SRSF7: variants seen among roughly 807,000 people sequenced by gnomAD.
The protein encoded by SRSF7 is serine/arginine-rich splicing factor 7.
SRSF7 carries 15 observed loss-of-function variants against 42.2 expected under a neutral mutation model. The ratio of observed to expected loss-of-function variants is 0.36; its 90% CI spans 0.24 to 0.55. SRSF7 has a LOEUF of 0.55. Ranked by LOEUF, SRSF7 falls within the 20% of genes least tolerant of loss-of-function variation. SRSF7 has a pLI of 0.88. For synonymous variants in SRSF7, 138 were observed against 107.9 expected (o/e 1.28, Z -1.73); for missense variants, 181 against 305.9 (o/e 0.59, Z 3.04).
At chr2:38,746,916 T>A in intron 5 of SRSF7, 169 bp from the exon 6 acceptor site, 1 of 1,137,802 alleles carries the variant, frequency 8.8e-7, no homozygotes. Flanking sequence ...TTACCAGACA[T>A]AAGGAACCCC....
intron 5 of SRSF7, among the ~76,000 whole-genome samples, chr2:38,747,702 T>C (rs780765181): frequency 2.0e-5 from 3 of 152,314 alleles, no homozygotes; most frequent in African/African-American, 4.8e-5. Context: ...CTGGTGCTAA[T>C]AGGCCTTTTT....
Position 38,744,605 on chromosome 2 carries a change from T to G in SRSF7, c.*528A>C. The G allele has an allele frequency of 2.6e-5, 4 of 153,980 alleles. No individual in the cohort carries two copies. Among genetic ancestry groups the G allele is most frequent in the African/African-American group, 4.8e-5 (2 of 41,454 alleles). The allele number at this position is 153,980 out of a possible 1,614,324, so 9.5% of individuals were successfully genotyped here. On this transcript the variant is annotated 3_prime_UTR_variant, in exon 8 of 8. Transcript: ENST00000313117. Reference sequence around the variant, plus strand: ...TCACCACTGATCATACAATACCTACTAACACCAACTTCAAACGGATTAGCT... The same window carrying G: ...TCACCACTGATCATACAATACCTACGAACACCAACTTCAAACGGATTAGCT...
At position 38,746,732 on chromosome 2, in the gene SRSF7, T is replaced by A; in HGVS notation, c.588A>T (p.Ser196=). Residue 196 remains serine (S), a synonymous_variant, in exon 6 of 8, where the codon TCA becomes TCT. Coordinates refer to ENST00000313117, the MANE Select transcript of SRSF7 (RefSeq NM_001031684.3). The stretch of plus-strand genomic sequence containing the variant: ...GTGAAATAGACCTGGATCTTGATCT[T>A]GACCTCGACGGGGATCTTAATAAAA... The part of the protein sequence containing the change: ...GSRYFQSPSR[S]RSRSRSISRP... The A allele has an allele frequency of 6.2e-7, 1 of 1,613,914 alleles. No individual in the cohort carries two copies. Among genetic ancestry groups the A allele is most frequent in the Non-Finnish European group, 8.5e-7 (1 of 1,179,956 alleles).
chr2:38,749,734 A>G, intron 2 of SRSF7, 29 bp from the exon 3 acceptor site: 1 of 1,512,552 alleles, frequency 6.6e-7, no homozygotes, highest in South Asian at 1.4e-5. Flanking sequence ...CAAAATTCTA[A>G]AGTTAAAAAT....
chr2:38,748,856 A>G, intron 3 of SRSF7: 1 of 1,363,916 alleles, frequency 7.3e-7, no homozygotes, highest in African/African-American at 1.5e-5. Flanking sequence ...ACAACTTAGC[A>G]TTACATAATA....
chr2:38,745,612 G>C (rs929771409), intron 7 of SRSF7, among the ~76,000 whole-genome samples: 1 of 151,714 alleles, frequency 6.6e-6, no homozygotes, highest in Admixed American at 6.6e-5. Flanking sequence ...CCAAGATTGA[G>C]CCACTGCACT....
At chr2:38,749,117 G>T in intron 3 of SRSF7, 1 of 1,316,430 alleles carries the variant, frequency 7.6e-7, no homozygotes, top group Admixed American at 2.3e-5. Flanking sequence ...CCGGAGGGGG[G>T]CCCCAATTGT....
At chr2:38,746,275 T>G in intron 6 of SRSF7, 96 bp from the exon 7 acceptor site, 1 of 1,385,612 alleles carries the variant, frequency 7.2e-7, no homozygotes, top group Non-Finnish European at 1.0e-6. Flanking sequence ...GTCCTAAGCT[T>G]AAAATGTCAG....
intron 3 of SRSF7, 122 bp from the exon 4 acceptor site, chr2:38,748,775 A>C: frequency 8.0e-7 from 1 of 1,253,806 alleles, no homozygotes; most frequent in Non-Finnish European, 1.1e-6. Flanking sequence ...TTGGAAATAA[A>C]CTCTGGGCCT....
Position 38,744,514 on chromosome 2 carries a change from T to C in SRSF7, c.*619A>G. 6.6e-6 allele frequency: 1 copy of C among 152,174 alleles called. No individual in the cohort carries two copies. The highest frequency in any genetic ancestry group is 2.1e-4 in the South Asian group (1 of 4,834). The allele number at this position is 152,174 out of a possible 1,614,324, so 9.4% of individuals were successfully genotyped here. The stretch of plus-strand genomic sequence containing the variant: ...CATCCAGAAATGTTTCTATTTCTCA[T>C]ACATTTAATCAGTTTCGTTTAGTTC... On this transcript the variant is annotated 3_prime_UTR_variant, in exon 8 of 8. Coordinates refer to ENST00000313117, the MANE Select transcript of SRSF7 (RefSeq NM_001031684.3).
intron 4 of SRSF7, among the ~76,000 whole-genome samples, 168 bp from the exon 5 acceptor site, chr2:38,748,325 T>G (rs1241195786): frequency 6.6e-6 from 1 of 151,940 alleles, no homozygotes; most frequent in Admixed American, 6.6e-5. Flanking sequence ...GCAAGACCAT[T>G]TCTACAAAAA....
chr2:38,749,436 C>G (rs1269361116), intron 3 of SRSF7, 93 bp downstream of exon 3: 10 of 1,556,820 alleles, frequency 6.4e-6, no homozygotes, highest in Admixed American at 6.0e-5. Flanking sequence ...AATTAACATT[C>G]AAGTTTATAG....
At chr2:38,745,514 G>A (rs1386156090) in intron 7 of SRSF7, among the ~76,000 whole-genome samples, 1 of 152,062 alleles carries the variant, frequency 6.6e-6, no homozygotes, top group Admixed American at 6.6e-5. Context: ...AATTAGCCAG[G>A]CTTGGCGGTG....
chr2:38,745,170 C>T lies in SRSF7; in HGVS notation c.680G>A (p.Ser227Asn). ...TTCAGGACTTGCACTTCTGCGAGGA[C>T]TTCCTGATGGGGAACGACTAAAAAG... is the stretch of plus-strand genomic sequence containing the variant. ...SPKRSRSPSGSPRRSASPERM... is the reference protein window; with the variant it reads ...SPKRSRSPSGNPRRSASPERM... The change falls in exon 8 of 8, where the codon AGT becomes AAT. Residue 227 changes from serine to asparagine, a missense_variant. This residue lies in a region of SRSF7 where 136 missense variants were observed against 147.8 expected (regional missense o/e 0.92). Coordinates refer to ENST00000313117, the MANE Select transcript of SRSF7 (RefSeq NM_001031684.3). 6.2e-7 allele frequency: 1 copy of T among 1,614,172 alleles called. No homozygotes were observed.
In SRSF7 at chr2:38,750,214, G is replaced by T; in HGVS notation, c.29-20C>A. The T allele has an allele frequency of 1.0e-5, 16 of 1,580,814 alleles. No homozygotes were observed. The highest frequency in any genetic ancestry group is 1.3e-5 in the Non-Finnish European group (15 of 1,166,702). On this transcript the variant is annotated intron_variant, in intron 1 of 7. Transcript: ENST00000313117. ...TGGTTTCTGTTTAAAAACGCAAATA[G>T]AAGAATGCACGTTACGCAAAATCTG...
intron 5 of SRSF7, chr2:38,747,263 T>C (rs1489380867): frequency 3.2e-6 from 1 of 313,614 alleles, no homozygotes; most frequent in Non-Finnish European, 6.6e-6. Flanking sequence ...GCCATCAATC[T>C]GTCAGACAAA....
In SRSF7 at chr2:38,749,108, C is replaced by G; in HGVS notation, c.386+421G>C. 2.3e-6 allele frequency: 3 copies of G among 1,315,402 alleles called. No homozygotes were observed. In the Admixed American group the frequency reaches 6.9e-5, roughly 30 times the overall value. The allele number at this position is 1,315,402 out of a possible 1,614,324, so 81.5% of individuals were successfully genotyped here. A position where few individuals can be genotyped will look rare whatever the true frequency, so the allele number is the denominator to read the frequency against. ...CAATCTGGTGTTCCTCTTTCTAAAC[C>G]GGAGGGGGGCCCCAATTGTAAGCCA... On this transcript the variant is annotated intron_variant, in intron 3 of 7. Transcript: ENST00000313117.
chr2:38,749,423 T>C, intron 3 of SRSF7, 106 bp downstream of exon 3: 7 of 1,563,790 alleles, frequency 4.5e-6, no homozygotes, highest in Non-Finnish European at 6.1e-6. Flanking sequence ...AATACACCTG[T>C]ACAATTAACA....
At chr2:38,750,535 A>AGCGGCAGCG (rs1287168950) in intron 1 of SRSF7, among the ~76,000 whole-genome samples, 1 of 151,398 alleles carries the variant, frequency 6.6e-6, no homozygotes, top group Non-Finnish European at 1.5e-5. Context: ...GCGGGCCCGC[A>AGCGGCAGCG]GCGGCAGCGG....
Sources: allele counts gnomAD v4.1 joint callset (sites outside exome capture counted in the v4.1 genomes callset), GRCh38; gene constraint gnomAD v4.1.1; regional missense constraint gnomAD v4.1.1; transcripts MANE v1.5; gene names NCBI Gene and HGNC (gene_info 2026-07-23, HGNC 2026-07-21).